ZNF592: variants seen among roughly 807,000 people sequenced by gnomAD.
ZNF592 encodes the protein spinocerebellar ataxia, autosomal recessive 5.
ZNF592 carries 11 observed loss-of-function variants against 80.3 expected under a neutral mutation model. That is an observed-to-expected ratio of 0.14 (90% CI 0.09 to 0.23). ZNF592 has a LOEUF of 0.23. Among genes scored for constraint, ZNF592 ranks in the 10% least tolerant of loss-of-function variants. ZNF592 has a pLI of 1.00. For missense variants in ZNF592, 1,420 were observed against 1,633.9 expected (o/e 0.87, Z 2.26); for synonymous variants, 646 against 640.3 (o/e 1.01, Z -0.13).
chr15:84,764,632 T>A (rs1285455448), intron 1 of ZNF592, 75 bp from the exon 2 acceptor site: 1 of 396,674 alleles, frequency 2.5e-6, no homozygotes, highest in South Asian at 1.4e-4. Flanking sequence ...TTAGTTTTTT[T>A]AAACTATCTT....
At position 84,776,505 on chromosome 15, in the gene ZNF592, C is replaced by G. The variant is rs151112318; in HGVS notation, c.-149-1678C>G. Among the ~76,000 whole-genome samples, 1,393 of 152,294 alleles carry G rather than the reference C, an allele frequency of 9.1e-3. 25 individuals are homozygous for G. The highest frequency in any genetic ancestry group is 0.032 in the African/African-American group (1,327 of 41,566). Reference sequence around the variant, plus strand: ...GTGCAGTGGCTCATGCCTGTAACCCCAGCACTTTGGGAGGCCAAGGTGGGT... The same window carrying G: ...GTGCAGTGGCTCATGCCTGTAACCCGAGCACTTTGGGAGGCCAAGGTGGGT... On this transcript the variant is annotated intron_variant, in intron 2 of 10. Transcript: ENST00000560079.
Position 84,798,708 on chromosome 15 carries a change from G to A in ZNF592, c.2857G>A (p.Ala953Thr), listed in dbSNP as rs746697859. The part of the protein sequence containing the change: ...PTEPPATSVA[A>T]RSSSLPSGRW... ...TGAGCCACCAGCCACTAGTGTGGCT[G>A]CTCGGAGCAGCTCCCTGCCTTCTGG... Residue 953 changes from alanine to threonine, a missense_variant, in exon 8 of 11, where the codon GCT becomes ACT. Around this residue, in one of 7 missense-constraint regions of ZNF592, gnomAD observed 331 missense variants for 347.0 expected, o/e 0.95. Transcript: ENST00000560079. This position sits in a 1 kb window ranked among gnomAD's most constrained non-coding sequence, Gnocchi z 4.5. The A allele has an allele frequency of 1.9e-6, 3 of 1,612,920 alleles. No homozygotes were observed. Among genetic ancestry groups the A allele is most frequent in the Admixed American group, 1.7e-5 (1 of 60,004 alleles).
chr15:84,748,777 C>A (rs1476535949), intron 1 of ZNF592, 113 bp downstream of exon 1: 1 of 147,092 alleles, frequency 6.8e-6, no homozygotes, highest in African/African-American at 2.4e-5. Context: ...CGGGGCCCGG[C>A]CCTGCAGCCT....
chr15:84,780,187 A>G (rs570236391), intron 3 of ZNF592, among the ~76,000 whole-genome samples: 4 of 151,978 alleles, frequency 2.6e-5, no homozygotes, highest in African/African-American at 7.3e-5. Flanking sequence ...AGATTTCACT[A>G]TGTTGGCCAG....
chr15:84,776,240 A>G (rs1596118189), intron 2 of ZNF592, among the ~76,000 whole-genome samples: 1 of 152,356 alleles, frequency 6.6e-6, no homozygotes, highest in South Asian at 2.1e-4. Context: ...GTTCATGGAC[A>G]TGGCTCTGGT....
intron 1 of ZNF592, among the ~76,000 whole-genome samples, chr15:84,751,095 G>A (rs1293781678): frequency 6.6e-6 from 1 of 152,176 alleles, no homozygotes; most frequent in African/African-American, 2.4e-5. Flanking sequence ...CAAGCAGTCT[G>A]GGGGAGATCC....
intron 2 of ZNF592, among the ~76,000 whole-genome samples, chr15:84,772,611 A>G (rs1287128341): frequency 6.6e-6 from 1 of 152,216 alleles, no homozygotes; most frequent in South Asian, 2.1e-4. Context: ...CACAAATGAT[A>G]TCAGTATTTA....
Position 84,777,694 on chromosome 15 carries a change from C to CCTTTTTTTTTTTT in ZNF592, c.-149-489_-149-488insCTTTTTTTTTTTT, listed in dbSNP as rs1432630650. On this transcript the variant is annotated intron_variant, in intron 2 of 10. Transcript: ENST00000560079. ...GAAAATAATTTCGTCTGTTGAGATACTTTTTTTTTTTTTTTTTTTTTTTGA... is the reference window on the plus strand; with the variant it reads ...GAAAATAATTTCGTCTGTTGAGATACCTTTTTTTTTTTTTTTTTTTTTTTTTTTTTTTTTTTGA... Among the ~76,000 whole-genome samples, 5 of 98,414 alleles carry CCTTTTTTTTTTTT rather than the reference C, an allele frequency of 5.1e-5. 2 individuals are homozygous for CCTTTTTTTTTTTT. Among genetic ancestry groups the CCTTTTTTTTTTTT allele is most frequent in the Non-Finnish European group, 8.0e-5 (4 of 50,148 alleles). The allele number at this position is 98,414 out of a possible 152,430, so 64.6% of individuals were successfully genotyped here.
chr15:84,803,046 G>A lies in ZNF592; in HGVS notation c.*653G>A, dbSNP rs1963146355. 6.5e-6 allele frequency: 1 copy of A among 153,050 alleles called. No homozygotes were observed. Among genetic ancestry groups the A allele is most frequent in the Admixed American group, 6.5e-5 (1 of 15,380 alleles). 9.5% of individuals were successfully genotyped at this position (153,050 alleles called of 1,614,324 possible). A position where few individuals can be genotyped will look rare whatever the true frequency, so the allele number is the denominator to read the frequency against. On this transcript the variant is annotated 3_prime_UTR_variant, in exon 11 of 11. Transcript: ENST00000560079. ...GCTGCACACCTCTGTTTGGAACCTG[G>A]GCAGAGCAGGAGGTAAGGCAAAGGC...
At chr15:84,794,571 GGTTC>G (rs1776509852) in intron 5 of ZNF592, among the ~76,000 whole-genome samples, 2 of 152,016 alleles carry the variant, frequency 1.3e-5, no homozygotes, top group Non-Finnish European at 2.9e-5. Flanking sequence ...CGCCACCCCG[GGTTC>G]AAGCACTTCT....
chr15:84,759,895 G>T (rs1209292969), intron 1 of ZNF592, among the ~76,000 whole-genome samples: 1 of 149,020 alleles, frequency 6.7e-6, no homozygotes, highest in East Asian at 2.0e-4. Context: ...GCCCTGCCTT[G>T]TACAGGGGTT....
chr15:84,762,231 GATA>G (rs763545452), intron 1 of ZNF592, among the ~76,000 whole-genome samples: 20 of 152,190 alleles, frequency 1.3e-4, no homozygotes, highest in Non-Finnish European at 2.9e-5. Context: ...TGCATTTATA[GATA>G]ATAAGTAAGA....
chr15:84,783,441 A>C lies in ZNF592; in HGVS notation c.766A>C (p.Lys256Gln). The C allele has an allele frequency of 6.2e-7, 1 of 1,614,180 alleles. No homozygotes were observed. Among genetic ancestry groups the C allele is most frequent in the South Asian group, 1.1e-5 (1 of 91,086 alleles). The change falls in exon 4 of 11, where the codon AAG becomes CAG. Residue 256 changes from lysine to glutamine, a missense_variant. By Grantham distance (53) the Lys-to-Gln change is moderately conservative. Around this residue, in one of 7 missense-constraint regions of ZNF592, gnomAD observed 373 missense variants for 355.5 expected, o/e 1.05. Transcript: ENST00000560079. The surrounding 1 kb of genome is among the most constrained non-coding windows in gnomAD (Gnocchi z 5.0). ...SHPSNSIGESKGLARELGTCS... is the reference protein window; with the variant it reads ...SHPSNSIGESQGLARELGTCS... ...TCCTAGCAACAGTATTGGAGAGTCC[A>C]AGGGGCTTGCCCGGGAGCTTGGTAC...
At chr15:84,750,964 T>C (rs1454635230) in intron 1 of ZNF592, among the ~76,000 whole-genome samples, 4 of 152,172 alleles carry the variant, frequency 2.6e-5, no homozygotes, top group Non-Finnish European at 5.9e-5. Context: ...GGGAATGACA[T>C]GATATTTACA....
At chr15:84,753,469 T>C (rs1899071224) in intron 1 of ZNF592, 1 of 152,092 alleles carries the variant, frequency 6.6e-6, no homozygotes, top group Admixed American at 6.6e-5. Flanking sequence ...TTTAATTTAA[T>C]TTATTTTGTT....
chr15:84,789,731 A>T (rs1446990708), intron 4 of ZNF592, among the ~76,000 whole-genome samples: 1 of 152,128 alleles, frequency 6.6e-6, no homozygotes. Flanking sequence ...TTTAATGCTC[A>T]TGTTATCCTA....
intron 5 of ZNF592, 62 bp downstream of exon 5, chr15:84,790,945 G>A (rs752194702): frequency 2.5e-5 from 40 of 1,603,790 alleles, no homozygotes; most frequent in Non-Finnish European, 3.4e-5. Flanking sequence ...TCCTAAGCCA[G>A]AACTCATTTC....
intron 2 of ZNF592, among the ~76,000 whole-genome samples, chr15:84,776,104 C>CT (rs1340990207): frequency 3.9e-5 from 6 of 152,218 alleles, no homozygotes; most frequent in Non-Finnish European, 7.3e-5. Flanking sequence ...TGCCTTGCCT[C>CT]TTGACTAGGC....
At chr15:84,777,576 A>G (rs573807931) in intron 2 of ZNF592, among the ~76,000 whole-genome samples, 6 of 152,256 alleles carry the variant, frequency 3.9e-5, no homozygotes, top group African/African-American at 1.4e-4. Flanking sequence ...TGGGAAAATA[A>G]TAACCACCAA....
Sources: allele counts gnomAD v4.1 joint callset (sites outside exome capture counted in the v4.1 genomes callset), GRCh38; gene constraint gnomAD v4.1.1; regional missense constraint gnomAD v4.1.1; non-coding constraint Gnocchi (gnomAD v3.1); transcripts MANE v1.5; gene names NCBI Gene and HGNC (gene_info 2026-07-23, HGNC 2026-07-21).